Variants in RANBP2 observed in about 807,000 individuals in gnomAD.
RANBP2 encodes the protein RAN binding protein 2.
Under a neutral mutation model 303.6 loss-of-function variants are expected in RANBP2, and 57 were observed. That is an observed-to-expected ratio of 0.19 (90% CI 0.15 to 0.23). The LOEUF is 0.23. Ranked by LOEUF, RANBP2 falls within the 10% of genes least tolerant of loss-of-function variation. The probability of loss-of-function intolerance (pLI) is 1.00; values close to 1 mark genes in which losing one functional copy is unlikely to be tolerated. For missense variants in RANBP2, 3,138 were observed against 3,780.8 expected, an observed-to-expected ratio of 0.83 and a Z score of 4.46; for synonymous variants, 1,167 against 1,301.5, an observed-to-expected ratio of 0.90 and a Z score of 2.23.
chr2:109,640,618 C>A, the RANBP2 span, among the ~76,000 whole-genome samples: 8 of 152,232 alleles, frequency 5.3e-5, no homozygotes, highest in South Asian at 1.7e-3. Context: ...GAGGGCCTCG[C>A]GGGACTGCAG....
At chr2:108,956,962 G>C in the RANBP2 span, among the ~76,000 whole-genome samples, 113 of 152,080 alleles carry the variant, frequency 7.4e-4, 1 homozygote, top group Non-Finnish European at 1.5e-3. Flanking sequence ...CTAATTTTTT[G>C]TATTTTTAGT....
chr2:109,011,877 T>TATGTGTGC, the RANBP2 span, among the ~76,000 whole-genome samples: 1 of 152,170 alleles, frequency 6.6e-6, no homozygotes, highest in Non-Finnish European at 1.5e-5. Flanking sequence ...TGTGTGCGTG[T>TATGTGTGC]ATGTGTGCAT....
the RANBP2 span, among the ~76,000 whole-genome samples, chr2:109,718,029 A>G: frequency 1.3e-5 from 2 of 152,376 alleles, no homozygotes; most frequent in Non-Finnish European, 2.9e-5. Context: ...GAGAACTGCA[A>G]AACTGACAGA....
chr2:109,346,775 A>T, the RANBP2 span, among the ~76,000 whole-genome samples: 1 of 152,232 alleles, frequency 6.6e-6, no homozygotes, highest in East Asian at 1.9e-4. Context: ...TTTGAGACCG[A>T]GGATGGCAGA....
chr2:108,744,558 A>G (rs1279571654), intron 7 of RANBP2, among the ~76,000 whole-genome samples: 2 of 152,228 alleles, frequency 1.3e-5, no homozygotes, highest in African/African-American at 4.8e-5. Flanking sequence ...AATGATGTCA[A>G]CATTTTGTTT....
chr2:109,039,748 A>T, the RANBP2 span, among the ~76,000 whole-genome samples: 3 of 151,782 alleles, frequency 2.0e-5, no homozygotes, highest in African/African-American at 7.3e-5. Flanking sequence ...CTTATTTATG[A>T]ATTTATTTAT....
chr2:109,391,330 C>T, the RANBP2 span, among the ~76,000 whole-genome samples: 2 of 152,208 alleles, frequency 1.3e-5, no homozygotes, highest in Non-Finnish European at 2.9e-5. Flanking sequence ...GGGACCAGGG[C>T]TAGAATGCAA....
At chr2:109,065,461 T>C in the RANBP2 span, among the ~76,000 whole-genome samples, 1 of 152,110 alleles carries the variant, frequency 6.6e-6, no homozygotes. Flanking sequence ...CCCCGCAGCA[T>C]CCTGTGTAGA....
chr2:109,196,158 C>G, the RANBP2 span, among the ~76,000 whole-genome samples: 1 of 152,254 alleles, frequency 6.6e-6, no homozygotes, highest in Middle Eastern at 3.2e-3. Flanking sequence ...GGTCACATGG[C>G]TGGTTGGCCA....
the RANBP2 span, among the ~76,000 whole-genome samples, chr2:109,637,993 C>T: frequency 2.0e-5 from 3 of 152,126 alleles, no homozygotes; most frequent in African/African-American, 4.8e-5. Context: ...AGTGTTGCGA[C>T]GATGCTAGTT....
chr2:109,153,920 A>G, the RANBP2 span, among the ~76,000 whole-genome samples: 1 of 152,220 alleles, frequency 6.6e-6, no homozygotes, highest in African/African-American at 2.4e-5. Context: ...CGAGGACAAA[A>G]TGAAGTGCAA....
At chr2:109,528,233 C>A in the RANBP2 span, among the ~76,000 whole-genome samples, 7,074 of 152,232 alleles carry the variant, frequency 0.046, 547 homozygotes, top group African/African-American at 0.16. Context: ...AGGAGGGATA[C>A]CCTGTGCCCC....
chr2:109,730,776 C>CTTTTTTT, the RANBP2 span, among the ~76,000 whole-genome samples: 7 of 79,410 alleles, frequency 8.8e-5, no homozygotes, highest in Admixed American at 1.6e-4. Flanking sequence ...CTCTCTCTCT[C>CTTTTTTT]TTTTTTTTTT....
At chr2:109,421,643 TCCCTCTG>T in the RANBP2 span, among the ~76,000 whole-genome samples, 1 of 152,210 alleles carries the variant, frequency 6.6e-6, no homozygotes, top group Admixed American at 6.5e-5. Context: ...CTCCACCTTC[TCCCTCTG>T]GGCTTCTCCC....
At chr2:109,622,400 C>T in the RANBP2 span, among the ~76,000 whole-genome samples, 1 of 152,240 alleles carries the variant, frequency 6.6e-6, no homozygotes, top group East Asian at 1.9e-4. Context: ...ACAAATGATA[C>T]AGGAAATTCA....
the RANBP2 span, among the ~76,000 whole-genome samples, chr2:109,322,886 G>A: frequency 6.6e-6 from 1 of 152,210 alleles, no homozygotes; most frequent in Non-Finnish European, 1.5e-5. Flanking sequence ...CACAAACCTT[G>A]TAATGTTAAG....
chr2:108,764,990 A>G lies in RANBP2; in HGVS notation c.4451A>G (p.Asp1484Gly). The G allele has an allele frequency of 6.2e-7, 1 of 1,614,112 alleles. No individual in the cohort carries two copies. The highest frequency in any genetic ancestry group is 1.3e-5 in the African/African-American group (1 of 75,060). The part of the protein sequence containing the change: ...SVFSTKEGQW[D>G]CSACLVQNEG... ...TTTTCTACAAAGGAAGGACAGTGGG[A>G]TTGCAGTGCATGTTTGGTACAAAAT... Residue 1484 changes from aspartate to glycine, a missense_variant, in exon 20 of 29, where the codon GAT becomes GGT. Transcript: ENST00000283195.
the RANBP2 span, among the ~76,000 whole-genome samples, chr2:108,836,738 A>G: frequency 2.6e-5 from 4 of 152,016 alleles, no homozygotes; most frequent in Non-Finnish European, 5.9e-5. Flanking sequence ...AATTTTTTTC[A>G]TCACTGTTTT....
chr2:109,299,024 C>T, the RANBP2 span, among the ~76,000 whole-genome samples: 1 of 152,204 alleles, frequency 6.6e-6, no homozygotes, highest in Non-Finnish European at 1.5e-5. Context: ...GTGATGTCTC[C>T]CCCCAGTGCC....
Sources: allele counts gnomAD v4.1 joint callset (sites outside exome capture counted in the v4.1 genomes callset), GRCh38; gene constraint gnomAD v4.1.1; transcripts MANE v1.5; gene names NCBI Gene and HGNC (gene_info 2026-07-23, HGNC 2026-07-21).